Variants in SLIT2 observed in about 807,000 individuals in gnomAD.
SLIT2 encodes the protein slit homolog 2 protein.
A neutral mutation model predicts 185.7 loss-of-function variants in SLIT2; 41 were observed. The observed-to-expected ratio is 0.22, with a 90% CI of 0.17 to 0.29. SLIT2 has a LOEUF of 0.29. SLIT2 is among the 10% of genes least tolerant of loss of function. The probability of loss-of-function intolerance (pLI) is 1.00; values close to 1 mark genes in which losing one functional copy is unlikely to be tolerated. For synonymous variants in SLIT2, 693 were observed against 680.2 expected (o/e 1.02, Z -0.29); for missense variants, 1,571 against 1,909.0 (o/e 0.82, Z 3.30).
intron 32 of SLIT2, among the ~76,000 whole-genome samples, chr4:20,597,360 G>T (rs1265552385): frequency 1.3e-5 from 2 of 152,084 alleles, no homozygotes; most frequent in Non-Finnish European, 2.9e-5. Flanking sequence ...GAGCCACTGC[G>T]CTCAGCCAAC....
rs754407914 is a variant in SLIT2 at position 20,553,986 on chromosome 4, T to C, written c.2725+18T>C. ...CTGTCAAGGTATGGTTTTTAATCAT[T>C]TGTATTTCTTTTAAGAATTACTATA... is the stretch of plus-strand genomic sequence containing the variant. On this transcript the variant is annotated intron_variant, in intron 26 of 36. Transcript: ENST00000504154. 6 of 1,552,436 alleles carry C rather than the reference T, an allele frequency of 3.9e-6. No individual in the cohort carries two copies. The highest frequency in any genetic ancestry group is 5.2e-6 in the Non-Finnish European group (6 of 1,152,622).
chr4:20,273,507 G>T lies in SLIT2; in HGVS notation c.395+4626G>T, dbSNP rs116836434. 1.7e-3 allele frequency among the ~76,000 whole-genome samples: 265 copies of T among 152,074 alleles called. 1 individual carries two copies. The highest frequency in any genetic ancestry group is 0.017 in the Middle Eastern group (5 of 294). On this transcript the variant is annotated intron_variant, in intron 4 of 36. Coordinates refer to ENST00000504154, the MANE Select transcript of SLIT2 (RefSeq NM_004787.4). Reference sequence around the variant, plus strand: ...CTGTTGGGTTCAGGGTTTGTAACTTGAATGAGCAAATAGTAACTCTGGGAC... The same window carrying T: ...CTGTTGGGTTCAGGGTTTGTAACTTTAATGAGCAAATAGTAACTCTGGGAC...
chr4:20,435,075 TA>T (rs1171086000), intron 4 of SLIT2, among the ~76,000 whole-genome samples: 5 of 152,232 alleles, frequency 3.3e-5, no homozygotes, highest in African/African-American at 1.2e-4. Flanking sequence ...TTTATTAAAA[TA>T]AAAAGTTTTT....
At chr4:20,331,902 T>C (rs1465226761) in intron 4 of SLIT2, among the ~76,000 whole-genome samples, 1 of 152,198 alleles carries the variant, frequency 6.6e-6, no homozygotes, top group African/African-American at 2.4e-5. Context: ...ATGGCTTCTT[T>C]CACTTAGCAA....
chr4:20,270,158 T>G (rs1271196547), intron 4 of SLIT2, among the ~76,000 whole-genome samples: 1 of 152,016 alleles, frequency 6.6e-6, no homozygotes, highest in East Asian at 1.9e-4. Flanking sequence ...GTAGGTTTGC[T>G]ATAAAGATTA....
intron 4 of SLIT2, among the ~76,000 whole-genome samples, chr4:20,354,178 A>G (rs1314519822): frequency 6.6e-6 from 1 of 151,936 alleles, no homozygotes; most frequent in Non-Finnish European, 1.5e-5. Context: ...GCATTAAAGC[A>G]TTTAATGCTA....
At chr4:20,463,448 G>GATATATATATATATATATATATTGAT (rs1713944036) in intron 4 of SLIT2, among the ~76,000 whole-genome samples, 1 of 67,318 alleles carries the variant, frequency 1.5e-5, no homozygotes, top group East Asian at 2.9e-4. Context: ...CTCAAACTGT[G>GATATATATATATATATATATATTGAT]ATATATATAT....
At chr4:20,334,213 C>T (rs961138782) in intron 4 of SLIT2, among the ~76,000 whole-genome samples, 3 of 152,104 alleles carry the variant, frequency 2.0e-5, no homozygotes, top group East Asian at 1.9e-4. Flanking sequence ...AGGCCACAAT[C>T]GTGGTAATAT....
At chr4:20,579,457 T>G (rs954072160) in intron 29 of SLIT2, among the ~76,000 whole-genome samples, 1 of 152,184 alleles carries the variant, frequency 6.6e-6, no homozygotes, top group Non-Finnish European at 1.5e-5. Context: ...AATAAAAATT[T>G]CATTCAGCCC....
intron 29 of SLIT2, chr4:20,569,285 A>T (rs990942617): frequency 1.9e-5 from 7 of 368,000 alleles, no homozygotes; most frequent in African/African-American, 1.3e-4. Context: ...CCACAATTAA[A>T]TGGCATTTTT....
intron 4 of SLIT2, among the ~76,000 whole-genome samples, chr4:20,359,568 A>T (rs1722582334): frequency 6.6e-6 from 1 of 152,040 alleles, no homozygotes; most frequent in Non-Finnish European, 1.5e-5. Context: ...GGATGCCATT[A>T]CCTTTGTCTA....
chr4:20,293,646 C>T (rs1560290902), intron 4 of SLIT2, among the ~76,000 whole-genome samples: 1 of 152,322 alleles, frequency 6.6e-6, no homozygotes, highest in East Asian at 1.9e-4. Flanking sequence ...CATTTCCCAT[C>T]TTCTACTATT....
intron 26 of SLIT2, chr4:20,554,179 T>C: frequency 1.6e-6 from 1 of 607,444 alleles, no homozygotes; most frequent in Non-Finnish European, 3.0e-6. Flanking sequence ...AGTCCATTGG[T>C]AATGACCAAG....
chr4:20,487,067 G>A (rs1717312346), intron 7 of SLIT2, among the ~76,000 whole-genome samples: 1 of 151,846 alleles, frequency 6.6e-6, no homozygotes, highest in South Asian at 2.1e-4. Flanking sequence ...CTCATTTTCT[G>A]ATAGCTTGTA....
At chr4:20,598,733 T>C (rs1357659907) in intron 33 of SLIT2, among the ~76,000 whole-genome samples, 1 of 152,108 alleles carries the variant, frequency 6.6e-6, no homozygotes, top group Non-Finnish European at 1.5e-5. Flanking sequence ...TGTAAAGGCT[T>C]TGTAGAGAGG....
chr4:20,355,252 C>G lies in SLIT2; in HGVS notation c.395+86371C>G, dbSNP rs139570020. Among the ~76,000 whole-genome samples the G allele has an allele frequency of 1.5e-3, 226 of 152,256 alleles. 1 individual carries two copies. Among genetic ancestry groups the G allele is most frequent in the African/African-American group, 5.2e-3 (218 of 41,552 alleles). ...TAAATCATACTGCTTAACACCTCCT[C>G]TACTAGTAAACAGATAAGGCTTTGG... On this transcript the variant is annotated intron_variant, in intron 4 of 36. Coordinates refer to ENST00000504154, the MANE Select transcript of SLIT2 (RefSeq NM_004787.4).
At chr4:20,336,762 C>T (rs1720539425) in intron 4 of SLIT2, among the ~76,000 whole-genome samples, 1 of 152,184 alleles carries the variant, frequency 6.6e-6, no homozygotes, top group Admixed American at 6.5e-5. Flanking sequence ...CACCAGTTTG[C>T]ACATGTTCCA....
At chr4:20,433,132 T>G (rs1475766282) in intron 4 of SLIT2, among the ~76,000 whole-genome samples, 1 of 152,200 alleles carries the variant, frequency 6.6e-6, no homozygotes, top group Non-Finnish European at 1.5e-5. Context: ...TTAGTTAGCT[T>G]CTGAATCTTA....
Position 20,603,103 on chromosome 4 carries a change from A to G in SLIT2, c.3692+4708A>G, listed in dbSNP as rs139444457. On this transcript the variant is annotated intron_variant, in intron 33 of 36. Transcript: ENST00000504154. ...GTAATTTATAAAGAAAAAGAGGTTT[A>G]ATTGACTCACAGTTCCACATGGCTA... is the stretch of plus-strand genomic sequence containing the variant. Among the ~76,000 whole-genome samples the G allele has an allele frequency of 4.2e-3, 643 of 152,342 alleles. 6 individuals are homozygous for G. The highest frequency in any genetic ancestry group is 0.014 in the African/African-American group (582 of 41,564).
Sources: gnomAD v4.1 joint callset for allele counts (sites outside exome capture counted in the v4.1 genomes callset) on GRCh38, gnomAD v4.1.1 for gene constraint, MANE v1.5 for transcripts, NCBI Gene and HGNC (gene_info 2026-07-23, HGNC 2026-07-21) for gene names.